The following RSL24D1 variants were observed in gnomAD, a reference collection of about 807,000 sequenced individuals.
RSL24D1 encodes ribosomal L24 domain containing 1.
A neutral mutation model predicts 26.2 loss-of-function variants in RSL24D1; 6 were observed. That is an observed-to-expected ratio of 0.23 (90% CI 0.13 to 0.45). The LOEUF (loss-of-function observed/expected upper bound fraction) is 0.45. Ranked by LOEUF, RSL24D1 falls within the 20% of genes least tolerant of loss-of-function variation. RSL24D1 has a pLI of 0.99. For synonymous variants in RSL24D1, 61 were observed against 59.1 expected (o/e 1.03, Z -0.15); for missense variants, 176 against 202.6 (o/e 0.87, Z 0.80).
In RSL24D1 at chr15:55,196,893, T is replaced by C; in HGVS notation, c.-3A>G. 6.2e-7 allele frequency: 1 copy of C among 1,614,066 alleles called. No homozygotes were observed. Among genetic ancestry groups the C allele is most frequent in the Non-Finnish European group, 8.5e-7 (1 of 1,179,942 alleles). On this transcript the variant is annotated 5_prime_UTR_variant, in exon 1 of 6. Coordinates refer to ENST00000260443, the MANE Select transcript of RSL24D1 (RefSeq NM_016304.3). ...AAATAACACTTTTCGATACGCATGT[T>C]GAACCCGCGTGTAACCCCACCAAAC...
intron 2 of RSL24D1, chr15:55,192,331 T>C: frequency 6.2e-6 from 1 of 160,770 alleles, no homozygotes; most frequent in Non-Finnish European, 1.4e-5. Flanking sequence ...ACTACTAATT[T>C]CTCTGCTCTC....
chr15:55,192,548 A>G (rs185402773), intron 2 of RSL24D1, 172 bp downstream of exon 2: 1 of 452,712 alleles, frequency 2.2e-6, no homozygotes, highest in Non-Finnish European at 4.0e-6. Flanking sequence ...CCACAGAATT[A>G]CAGTTTTAAG....
At chr15:55,184,048 A>G (rs1266618099) in intron 4 of RSL24D1, among the ~76,000 whole-genome samples, 1 of 152,230 alleles carries the variant, frequency 6.6e-6, no homozygotes, top group Non-Finnish European at 1.5e-5. Context: ...ATGATATTCA[A>G]TAGAAATGCT....
chr15:55,188,536 C>A (rs1216356539), intron 3 of RSL24D1, among the ~76,000 whole-genome samples: 1 of 152,192 alleles, frequency 6.6e-6, no homozygotes, highest in Non-Finnish European at 1.5e-5. Flanking sequence ...ACCTAGAGGG[C>A]AGAGACCGTG....
chr15:55,196,498 C>G (rs1458563780), intron 1 of RSL24D1: 1 of 574,684 alleles, frequency 1.7e-6, no homozygotes, highest in East Asian at 3.7e-5. Context: ...GGCCCAAGTA[C>G]ATGAGTGGCC....
chr15:55,182,308 T>G (rs1894177019), intron 5 of RSL24D1, 83 bp from the exon 6 acceptor site: 1 of 886,644 alleles, frequency 1.1e-6, no homozygotes, highest in African/African-American at 1.7e-5. Context: ...TAAAGGATCT[T>G]GCATGTTTTC....
intron 3 of RSL24D1, among the ~76,000 whole-genome samples, chr15:55,186,584 T>C (rs1894226435): frequency 1.3e-5 from 2 of 152,172 alleles, no homozygotes; most frequent in Admixed American, 6.6e-5. Flanking sequence ...CTGGCCCATA[T>C]TGTTCTAAAC....
chr15:55,195,835 T>C (rs1894349230), intron 1 of RSL24D1, among the ~76,000 whole-genome samples: 1 of 152,202 alleles, frequency 6.6e-6, no homozygotes, highest in African/African-American at 2.4e-5. Context: ...GTTACAGAGA[T>C]ATAAGGTGAA....
At chr15:55,191,286 C>T (rs1257137837) in intron 2 of RSL24D1, among the ~76,000 whole-genome samples, 1 of 152,110 alleles carries the variant, frequency 6.6e-6, no homozygotes, top group Non-Finnish European at 1.5e-5. Flanking sequence ...AGTAACACCC[C>T]CATCCCTCAG....
In RSL24D1 at chr15:55,196,913, C is replaced by G. The variant is rs766366377; in HGVS notation, c.-23G>C. ...CATGTTGAACCCGCGTGTAACCCCA[C>G]CAAACAAACGCCAAGCTTGAGAGGA... On this transcript the variant is annotated 5_prime_UTR_variant, in exon 1 of 6. Transcript: ENST00000260443. 4 of 1,610,990 alleles carry G rather than the reference C, an allele frequency of 2.5e-6. No homozygotes were observed. In the South Asian group the frequency reaches 3.3e-5, roughly 13 times the overall value.
intron 1 of RSL24D1, among the ~76,000 whole-genome samples, chr15:55,194,736 C>G (rs1395500162): frequency 6.6e-6 from 1 of 151,960 alleles, no homozygotes; most frequent in Non-Finnish European, 1.5e-5. Flanking sequence ...ATAACAGTCT[C>G]AGAAACTAAG....
At chr15:55,182,873 T>C (rs1894184570) in intron 5 of RSL24D1, among the ~76,000 whole-genome samples, 1 of 152,148 alleles carries the variant, frequency 6.6e-6, no homozygotes, top group Non-Finnish European at 1.5e-5. Flanking sequence ...AAAGAAACAG[T>C]AGTCCCAATT....
chr15:55,191,621 C>A (rs1894299039), intron 2 of RSL24D1, among the ~76,000 whole-genome samples: 1 of 152,182 alleles, frequency 6.6e-6, no homozygotes, highest in African/African-American at 2.4e-5. Context: ...CAGATCCCCT[C>A]CAAACACGGT....
chr15:55,196,385 A>C (rs999002117), intron 1 of RSL24D1: 3 of 461,412 alleles, frequency 6.5e-6, no homozygotes, highest in Non-Finnish European at 1.3e-5. Flanking sequence ...TCTACCATTA[A>C]GCAATACGGA....
Position 55,181,653 on chromosome 15 carries a change from A to C in RSL24D1, c.*499T>G, listed in dbSNP as rs1894167631. 1 of 154,486 alleles carries C rather than the reference A, an allele frequency of 6.5e-6. No homozygotes were observed. Among genetic ancestry groups the C allele is most frequent in the African/African-American group, 2.4e-5 (1 of 41,466 alleles). The allele number at this position is 154,486 out of a possible 1,614,324, so 9.6% of individuals were successfully genotyped here. ...GTCCAGCATAATTAGGCTTCATCAAACAATGTCATTATGCTCTTCTAAGAT... is the reference window on the plus strand; with the variant it reads ...GTCCAGCATAATTAGGCTTCATCAACCAATGTCATTATGCTCTTCTAAGAT... On this transcript the variant is annotated 3_prime_UTR_variant, in exon 6 of 6. Transcript: ENST00000260443.
chr15:55,189,190 T>C (rs1178308220), intron 3 of RSL24D1, among the ~76,000 whole-genome samples: 9 of 118,470 alleles, frequency 7.6e-5, no homozygotes, highest in Admixed American at 6.2e-4. Context: ...AAGACTCCCA[T>C]CTCAAAAAAA....
At chr15:55,189,741 A>C (rs1419179625) in intron 3 of RSL24D1, among the ~76,000 whole-genome samples, 1 of 152,150 alleles carries the variant, frequency 6.6e-6, no homozygotes, top group Non-Finnish European at 1.5e-5. Context: ...TATAAATACT[A>C]CCACAAAGGT....
At chr15:55,188,554 T>A (rs1463566238) in intron 3 of RSL24D1, among the ~76,000 whole-genome samples, 1 of 152,224 alleles carries the variant, frequency 6.6e-6, no homozygotes, top group African/African-American at 2.4e-5. Flanking sequence ...GTGTGTGACG[T>A]GTTCATCTTT....
chr15:55,194,803 T>TACACACAC (rs143219738), intron 1 of RSL24D1, among the ~76,000 whole-genome samples: 9 of 147,104 alleles, frequency 6.1e-5, no homozygotes, highest in East Asian at 4.0e-4. Context: ...CCTCTGTCTC[T>TACACACAC]ACACACACAC....
Sources: gnomAD v4.1 joint callset for allele counts (sites outside exome capture counted in the v4.1 genomes callset) on GRCh38, gnomAD v4.1.1 for gene constraint, MANE v1.5 for transcripts, NCBI Gene and HGNC (gene_info 2026-07-23, HGNC 2026-07-21) for gene names.